The following BMP2K variants were observed in gnomAD, a reference collection of about 807,000 sequenced individuals.
BMP2K encodes the protein BMP-2-inducible protein kinase.
Under a neutral mutation model 116.0 loss-of-function variants are expected in BMP2K, and 74 were observed. That is an observed-to-expected ratio of 0.64 (90% CI 0.53 to 0.77). The LOEUF is 0.77. Among genes scored for constraint, BMP2K ranks in the 30% least tolerant of loss-of-function variants. BMP2K has a pLI of 0.00. For missense variants in BMP2K, 1,365 were observed against 1,403.6 expected (o/e 0.97, Z 0.44); for synonymous variants, 486 against 502.5 (o/e 0.97, Z 0.44).
chr4:78,791,048 A>G (rs1364590564), intron 1 of BMP2K, among the ~76,000 whole-genome samples: 1 of 151,650 alleles, frequency 6.6e-6, no homozygotes, highest in South Asian at 2.1e-4. Flanking sequence ...CTTGTTCCTT[A>G]ATATTTTTTT....
rs763880615 is a variant in BMP2K, at chr4:78,850,953, T to C, written c.780T>C (p.Cys260=). 6 of 1,612,256 alleles carry C rather than the reference T, an allele frequency of 3.7e-6. No homozygotes were observed. The change falls in exon 7 of 16, where the codon TGT becomes TGC. Residue 260 remains cysteine, a synonymous_variant. Transcript: ENST00000502613. ...TGGGATGTCTACTCTATAAACTTTG[T>C]TTCTTCACTCTTCCTTTTGGTGAGA... The part of the protein sequence containing the change: ...WALGCLLYKL[C]FFTLPFGESQ...
Position 78,861,460 on chromosome 4 carries a change from A to G in BMP2K, c.1059A>G (p.Ile353Met), listed in dbSNP as rs1352776932. Residue 353 changes from isoleucine to methionine, a missense_variant, in exon 9 of 16, where the codon ATA becomes ATG. By Grantham distance (10) the Ile-to-Met change is conservative (BLOSUM62 1). Coordinates refer to ENST00000502613, the MANE Select transcript of BMP2K (RefSeq NM_198892.2). ...ASEAAARKSQ[I>M]KARITDTIGP... The stretch of plus-strand genomic sequence containing the variant: ...AAGCAGCTGCTAGGAAAAGCCAAAT[A>G]AAAGCCAGGTAGGCAAAACTATGCT... 2 of 1,608,170 alleles carry G rather than the reference A, an allele frequency of 1.2e-6. No homozygotes were observed. The highest frequency in any genetic ancestry group is 1.7e-6 in the Non-Finnish European group (2 of 1,176,154).
At chr4:78,863,143 T>C (rs1731875237) in intron 9 of BMP2K, among the ~76,000 whole-genome samples, 1 of 152,098 alleles carries the variant, frequency 6.6e-6, no homozygotes, top group Non-Finnish European at 1.5e-5. Context: ...TCACAGTGCT[T>C]ATTTATAGTA....
chr4:78,842,625 G>T (rs1730814819), intron 4 of BMP2K, 98 bp downstream of exon 4: 1 of 1,174,262 alleles, frequency 8.5e-7, no homozygotes, highest in Non-Finnish European at 1.1e-6. Flanking sequence ...TGGCTTTGAG[G>T]TTGGTCTCTC....
At chr4:78,861,094 A>G (rs948633309) in intron 8 of BMP2K, among the ~76,000 whole-genome samples, 6 of 151,822 alleles carry the variant, frequency 4.0e-5, no homozygotes, top group Admixed American at 2.0e-4. Context: ...AGTGTAATAT[A>G]ATCTTTCTTT....
intron 1 of BMP2K, among the ~76,000 whole-genome samples, chr4:78,782,976 A>G (rs183976553): frequency 2.6e-5 from 4 of 152,356 alleles, no homozygotes; most frequent in Non-Finnish European, 4.4e-5. Flanking sequence ...TAGAGAAGAT[A>G]ATGTGTGACA....
At chr4:78,900,037 C>T (rs1452955929) in intron 15 of BMP2K, among the ~76,000 whole-genome samples, 1 of 152,126 alleles carries the variant, frequency 6.6e-6, no homozygotes, top group East Asian at 1.9e-4. Flanking sequence ...TTCCTTTATA[C>T]ACTAATTTTC....
intron 1 of BMP2K, among the ~76,000 whole-genome samples, chr4:78,788,055 T>C (rs1332357871): frequency 6.6e-6 from 1 of 152,162 alleles, no homozygotes; most frequent in Non-Finnish European, 1.5e-5. Flanking sequence ...AAAGTAATTT[T>C]TTTTTTTCCT....
chr4:78,794,350 G>C (rs1728151295), intron 1 of BMP2K, among the ~76,000 whole-genome samples: 2 of 152,256 alleles, frequency 1.3e-5, no homozygotes, highest in Middle Eastern at 3.4e-3. Context: ...GTATTAAACT[G>C]TAAACGGACC....
chr4:78,868,852 C>T (rs868564095), intron 10 of BMP2K, among the ~76,000 whole-genome samples: 1 of 152,170 alleles, frequency 6.6e-6, no homozygotes, highest in Non-Finnish European at 1.5e-5. Flanking sequence ...CAGCTCCTCC[C>T]CTGTGGCTTT....
At chr4:78,825,289 T>G (rs1162993376) in intron 1 of BMP2K, among the ~76,000 whole-genome samples, 2 of 152,220 alleles carry the variant, frequency 1.3e-5, no homozygotes, top group East Asian at 1.9e-4. Context: ...GTATGAGTTC[T>G]AGAGGGAGGT....
chr4:78,799,217 C>A (rs113409146), intron 1 of BMP2K, among the ~76,000 whole-genome samples: 7,344 of 151,714 alleles, frequency 0.048, 619 homozygotes, highest in African/African-American at 0.17. Context: ...GTTCTGTTTG[C>A]TACATATTTC....
chr4:78,911,654 T>C lies in BMP2K; in HGVS notation c.3107T>C (p.Leu1036Ser), dbSNP rs772218148. 1 of 1,613,964 alleles carries C rather than the reference T, an allele frequency of 6.2e-7. No individual in the cohort carries two copies. The highest frequency in any genetic ancestry group is 8.5e-7 in the Non-Finnish European group (1 of 1,179,878). Residue 1036 changes from leucine (L) to serine (S), a missense_variant, in exon 16 of 16, where the codon TTA becomes TCA. Leu to Ser is a moderately radical substitution (Grantham distance 145, BLOSUM62 -2). Transcript: ENST00000502613. ...RRDSQSSNEF[L>S]TISDSKENIS... ...GACTCTCAAAGTAGCAATGAATTTT[T>C]AACCATCTCAGACTCCAAGGAGAAC...
At chr4:78,900,133 A>G (rs1191628514) in intron 15 of BMP2K, among the ~76,000 whole-genome samples, 10 of 152,206 alleles carry the variant, frequency 6.6e-5, no homozygotes, top group African/African-American at 9.6e-5. Flanking sequence ...AGCCTACTCA[A>G]TGTGAAGACG....
chr4:78,793,246 C>T (rs912281991), intron 1 of BMP2K, among the ~76,000 whole-genome samples: 2 of 151,788 alleles, frequency 1.3e-5, no homozygotes, highest in Non-Finnish European at 2.9e-5. Flanking sequence ...CTTGTCTCTA[C>T]TAAAAATACA....
In BMP2K at chr4:78,912,531, A is replaced by C. The variant is rs2110112977; in HGVS notation, c.*498A>C. 1 of 153,300 alleles carries C rather than the reference A, an allele frequency of 6.5e-6. No homozygotes were observed. Among genetic ancestry groups the C allele is most frequent in the African/African-American group, 2.4e-5 (1 of 41,588 alleles). 9.5% of individuals were successfully genotyped at this position (153,300 alleles called of 1,614,324 possible). A position where few individuals can be genotyped will look rare whatever the true frequency, so the allele number is the denominator to read the frequency against. On this transcript the variant is annotated 3_prime_UTR_variant, in exon 16 of 16. Transcript: ENST00000502613. The stretch of plus-strand genomic sequence containing the variant: ...AAAGCATTAGAAAGTTATTATCTGG[A>C]GAGTGCAGAGATTTCAGTCCATACA...
intron 1 of BMP2K, among the ~76,000 whole-genome samples, chr4:78,802,217 T>A (rs546368176): frequency 2.6e-5 from 4 of 152,370 alleles, no homozygotes; most frequent in African/African-American, 7.2e-5. Flanking sequence ...AAGTGCTTTG[T>A]GGGTCTAGAC....
intron 10 of BMP2K, among the ~76,000 whole-genome samples, chr4:78,868,014 C>G (rs1732139243): frequency 6.6e-6 from 1 of 152,180 alleles, no homozygotes; most frequent in Admixed American, 6.5e-5. Context: ...AAGCCAAGAT[C>G]ATGCCACTGC....
intron 13 of BMP2K, among the ~76,000 whole-genome samples, chr4:78,877,574 C>T (rs957845611): frequency 2.0e-5 from 3 of 152,128 alleles, no homozygotes; most frequent in Admixed American, 6.6e-5. Flanking sequence ...CCTATGATAA[C>T]AATACCTTCT....
Sources: gnomAD v4.1 joint callset for allele counts (sites outside exome capture counted in the v4.1 genomes callset) on GRCh38, gnomAD v4.1.1 for gene constraint, MANE v1.5 for transcripts, NCBI Gene and HGNC (gene_info 2026-07-23, HGNC 2026-07-21) for gene names.